IFT57: variants seen among roughly 807,000 people sequenced by gnomAD.
IFT57 encodes the protein intraflagellar transport protein 57 homolog.
IFT57 carries 59 observed loss-of-function variants against 56.8 expected under a neutral mutation model. The observed-to-expected ratio is 1.04, with a 90% CI of 0.84 to 1.29. The LOEUF (loss-of-function observed/expected upper bound fraction) is 1.29, where lower values mean the gene tolerates loss of function less well. IFT57 is among the 50% of genes most tolerant of loss of function. The probability of loss-of-function intolerance (pLI) is 0.00; values close to 1 mark genes in which losing one functional copy is unlikely to be tolerated. For synonymous variants in IFT57, 209 were observed against 186.1 expected (o/e 1.12, Z -1.00); for missense variants, 470 against 522.1 (o/e 0.90, Z 0.97).
intron 5 of IFT57, among the ~76,000 whole-genome samples, chr3:108,200,008 T>TAAAG (rs1225621103): frequency 6.6e-6 from 1 of 152,174 alleles, no homozygotes; most frequent in African/African-American, 2.4e-5. Context: ...TTAACTGGAA[T>TAAAG]AAAGGGTTTG....
chr3:108,209,667 T>C (rs2080333500), intron 4 of IFT57, among the ~76,000 whole-genome samples: 1 of 152,186 alleles, frequency 6.6e-6, no homozygotes, highest in Admixed American at 6.5e-5. Context: ...ACTGAAGGGC[T>C]GAATAGAACA....
intron 5 of IFT57, among the ~76,000 whole-genome samples, chr3:108,195,120 T>C (rs2080236520): frequency 6.6e-6 from 1 of 151,834 alleles, no homozygotes; most frequent in South Asian, 2.1e-4. Flanking sequence ...AACAACTCAG[T>C]AGGAAAAAAA....
chr3:108,206,120 G>A (rs2080311712), intron 5 of IFT57, among the ~76,000 whole-genome samples: 1 of 133,624 alleles, frequency 7.5e-6, no homozygotes, highest in African/African-American at 2.8e-5. Context: ...TATGGTGAAT[G>A]TAAAAATATA....
At chr3:108,205,849 A>G (rs1230649804) in intron 5 of IFT57, among the ~76,000 whole-genome samples, 1 of 136,774 alleles carries the variant, frequency 7.3e-6, no homozygotes, top group Non-Finnish European at 1.5e-5. Flanking sequence ...AATTAATTTA[A>G]CATATATTTA....
At chr3:108,198,954 T>C (rs1217327940) in intron 5 of IFT57, among the ~76,000 whole-genome samples, 1 of 150,574 alleles carries the variant, frequency 6.6e-6, no homozygotes, top group Admixed American at 6.6e-5. Flanking sequence ...ATTTTATAGA[T>C]TCTATACTAC....
At chr3:108,163,903 T>C (rs2080047341) in intron 9 of IFT57, among the ~76,000 whole-genome samples, 174 bp from the exon 10 acceptor site, 1 of 152,076 alleles carries the variant, frequency 6.6e-6, no homozygotes, top group Non-Finnish European at 1.5e-5. Context: ...TATACAAAGC[T>C]TTTCAGTTTT....
chr3:108,162,816 A>C (rs552376022), intron 10 of IFT57, among the ~76,000 whole-genome samples, 161 bp from the exon 11 acceptor site: 7 of 152,290 alleles, frequency 4.6e-5, no homozygotes, highest in African/African-American at 1.7e-4. Context: ...TGGCATTTTA[A>C]GCACCTGAGA....
At chr3:108,194,049 C>A (rs1397156515) in intron 5 of IFT57, among the ~76,000 whole-genome samples, 1 of 152,164 alleles carries the variant, frequency 6.6e-6, no homozygotes, top group Non-Finnish European at 1.5e-5. Context: ...CAATCCCAAT[C>A]CTGCAAAACC....
chr3:108,205,777 TATAAC>T (rs1345346649), intron 5 of IFT57, among the ~76,000 whole-genome samples: 1 of 139,676 alleles, frequency 7.2e-6, no homozygotes, highest in Non-Finnish European at 1.5e-5. Context: ...TATAAAATAT[TATAAC>T]ATATTATATA....
intron 5 of IFT57, among the ~76,000 whole-genome samples, chr3:108,201,533 G>A (rs2080278363): frequency 6.6e-6 from 1 of 152,118 alleles, no homozygotes; most frequent in South Asian, 2.1e-4. Context: ...CAAACATGTG[G>A]CATTTTAATT....
chr3:108,166,143 T>C (rs187494168), intron 8 of IFT57, among the ~76,000 whole-genome samples: 6 of 152,188 alleles, frequency 3.9e-5, no homozygotes, highest in Admixed American at 3.3e-4. Context: ...ATCTCAAATT[T>C]ACTTCTACTT....
intron 5 of IFT57, among the ~76,000 whole-genome samples, chr3:108,205,865 C>A (rs2080307469): frequency 2.3e-5 from 3 of 129,750 alleles, no homozygotes; most frequent in East Asian, 2.1e-4. Context: ...ATTTATATAA[C>A]ATATTTATTA....
At chr3:108,163,930 GT>G (rs2080047477) in intron 9 of IFT57, among the ~76,000 whole-genome samples, 1 of 152,012 alleles carries the variant, frequency 6.6e-6, no homozygotes, top group Non-Finnish European at 1.5e-5. Context: ...TGCTCCTAAT[GT>G]TAAACTTCAC....
At chr3:108,205,596 G>T (rs1476117706) in intron 5 of IFT57, among the ~76,000 whole-genome samples, 1 of 150,606 alleles carries the variant, frequency 6.6e-6, no homozygotes. Flanking sequence ...CTGGGGAGGG[G>T]TAGTCAAGGA....
intron 5 of IFT57, among the ~76,000 whole-genome samples, chr3:108,206,124 AAAT>A (rs1210158716): frequency 1.5e-5 from 2 of 136,118 alleles, no homozygotes; most frequent in Non-Finnish European, 3.1e-5. Context: ...GTGAATGTAA[AAAT>A]ATATATCTGA....
At chr3:108,176,493 C>T (rs1302348628) in intron 6 of IFT57, among the ~76,000 whole-genome samples, 1 of 151,774 alleles carries the variant, frequency 6.6e-6, no homozygotes, top group African/African-American at 2.4e-5. Context: ...CAGTAAGAAG[C>T]ACAAGAAGTT....
At chr3:108,199,884 G>A (rs1283616726) in intron 5 of IFT57, among the ~76,000 whole-genome samples, 1 of 152,152 alleles carries the variant, frequency 6.6e-6, no homozygotes, top group Non-Finnish European at 1.5e-5. Context: ...GAACATTTGA[G>A]TCAGGTAGAG....
At chr3:108,182,156 T>A (rs2080154527) in intron 6 of IFT57, among the ~76,000 whole-genome samples, 1 of 152,016 alleles carries the variant, frequency 6.6e-6, no homozygotes, top group Non-Finnish European at 1.5e-5. Flanking sequence ...TCCCTGCAGG[T>A]CAAAAATATT....
At chr3:108,169,853 T>TACA (rs2080083217) in intron 6 of IFT57, among the ~76,000 whole-genome samples, 2 of 151,898 alleles carry the variant, frequency 1.3e-5, no homozygotes, top group African/African-American at 4.8e-5. Context: ...CATACACAAA[T>TACA]CAATAAATGT....
Sources: allele counts gnomAD v4.1 joint callset (sites outside exome capture counted in the v4.1 genomes callset), GRCh38; gene constraint gnomAD v4.1.1; transcripts MANE v1.5; gene names NCBI Gene and HGNC (gene_info 2026-07-23, HGNC 2026-07-21).